The following RFC3 variants were observed in gnomAD, a reference collection of about 807,000 sequenced individuals.
The protein encoded by RFC3 is replication factor C subunit 3, also known as A1 38 kDa subunit.
RFC3 carries 41 observed loss-of-function variants against 45.1 expected under a neutral mutation model. The observed-to-expected ratio is 0.91, with a 90% CI of 0.71 to 1.18. The LOEUF is 1.18. RFC3 is among the 50% of genes most tolerant of loss of function. The pLI, the probability that RFC3 is intolerant of heterozygous loss-of-function variation, is 0.00. For synonymous variants in RFC3, 149 were observed against 144.0 expected, an observed-to-expected ratio of 1.03 and a Z score of -0.25; for missense variants, 423 against 428.1, an observed-to-expected ratio of 0.99 and a Z score of 0.10.
intron 8 of RFC3, among the ~76,000 whole-genome samples, chr13:33,935,320 A>G (rs116408408): frequency 3.6e-4 from 55 of 152,266 alleles, no homozygotes; most frequent in African/African-American, 1.3e-3. Flanking sequence ...CCAAAAATAT[A>G]TCATGTTTGT....
chr13:33,916,440 CAG>C (rs1324707141), intron 8 of RFC3, among the ~76,000 whole-genome samples: 10 of 152,116 alleles, frequency 6.6e-5, no homozygotes, highest in Admixed American at 5.2e-4. Context: ...GTGACAGAAA[CAG>C]ATGTCTCAAA....
intron 8 of RFC3, among the ~76,000 whole-genome samples, chr13:33,948,505 C>A (rs114101576): frequency 0.023 from 3,562 of 152,292 alleles, 123 homozygotes; most frequent in African/African-American, 0.078. Flanking sequence ...GGCACTGCCT[C>A]GTGGAGCTGT....
intron 8 of RFC3, among the ~76,000 whole-genome samples, chr13:33,866,054 A>G (rs1488382290): frequency 6.6e-6 from 1 of 152,146 alleles, no homozygotes; most frequent in Non-Finnish European, 1.5e-5. Flanking sequence ...GTGAGACTCC[A>G]TCTCAAAAAA....
At chr13:33,821,770 A>G (rs1418442039) in intron 2 of RFC3, among the ~76,000 whole-genome samples, 1 of 152,216 alleles carries the variant, frequency 6.6e-6, no homozygotes, top group Non-Finnish European at 1.5e-5. Context: ...ACCGTGTAGC[A>G]CATTCTTATG....
At chr13:33,944,797 G>A (rs2082945126) in intron 8 of RFC3, among the ~76,000 whole-genome samples, 1 of 152,024 alleles carries the variant, frequency 6.6e-6, no homozygotes, top group Admixed American at 6.6e-5. Context: ...TTTTTGCCAA[G>A]AGATGAGAAG....
intron 8 of RFC3, among the ~76,000 whole-genome samples, chr13:33,938,908 G>GT (rs2082906054): frequency 6.6e-6 from 1 of 151,950 alleles, no homozygotes; most frequent in Non-Finnish European, 1.5e-5. Context: ...AATCTTTCAG[G>GT]TTTTTGCCAA....
At chr13:33,820,531 A>G (rs984533290) in intron 1 of RFC3, among the ~76,000 whole-genome samples, 1 of 152,200 alleles carries the variant, frequency 6.6e-6, no homozygotes, top group Non-Finnish European at 1.5e-5. Flanking sequence ...ACCTAGAGCC[A>G]TTCAACTTGA....
At chr13:33,842,976 A>C (rs530246954) in intron 8 of RFC3, among the ~76,000 whole-genome samples, 5 of 152,314 alleles carry the variant, frequency 3.3e-5, no homozygotes, top group Admixed American at 3.3e-4. Flanking sequence ...TGTAGTTTTA[A>C]GTGCTGTTTT....
chr13:33,882,765 T>A (rs939526870), intron 8 of RFC3, among the ~76,000 whole-genome samples: 1 of 152,230 alleles, frequency 6.6e-6, no homozygotes, highest in Non-Finnish European at 1.5e-5. Context: ...AAAACTTCTT[T>A]TATATTCACA....
At position 33,837,039 on chromosome 13, in the gene RFC3, A is replaced by G. The variant is rs972950245; in HGVS notation, c.*744A>G. The G allele has an allele frequency of 4.0e-5, 39 of 984,776 alleles. No homozygotes were observed. The highest frequency in any genetic ancestry group is 3.1e-4 in the Admixed American group (5 of 16,242). The allele number at this position is 984,776 out of a possible 1,614,324, so 61.0% of individuals were successfully genotyped here. A position where few individuals can be genotyped will look rare whatever the true frequency, so the allele number is the denominator to read the frequency against. ...TTAAATATTTTGGTTCATGGACCAA[A>G]GGGTTTACTTGACAAATTTGTGTGA... On this transcript the variant is annotated 3_prime_UTR_variant, in exon 9 of 9. Coordinates refer to ENST00000380071, the MANE Select transcript of RFC3 (RefSeq NM_002915.4).
At chr13:33,885,619 T>C (rs1303392966) in intron 8 of RFC3, among the ~76,000 whole-genome samples, 2 of 152,206 alleles carry the variant, frequency 1.3e-5, no homozygotes, top group African/African-American at 2.4e-5. Context: ...GGTGTCTTGA[T>C]AGAATAAAAC....
intron 8 of RFC3, chr13:33,848,699 A>G (rs1442887400): frequency 6.6e-6 from 1 of 152,112 alleles, no homozygotes; most frequent in Non-Finnish European, 1.5e-5. Context: ...GAACCATAAC[A>G]GGCAGACTAG....
chr13:33,889,866 A>G (rs535094122), intron 8 of RFC3, among the ~76,000 whole-genome samples: 44 of 152,322 alleles, frequency 2.9e-4, no homozygotes, highest in Middle Eastern at 3.4e-3. Flanking sequence ...ACAATATAAT[A>G]TTACTAAGCT....
At chr13:33,953,729 G>A (rs1012507282) in intron 8 of RFC3, among the ~76,000 whole-genome samples, 1 of 152,020 alleles carries the variant, frequency 6.6e-6, no homozygotes, top group Admixed American at 6.5e-5. Flanking sequence ...ATTTCCAGAC[G>A]TTTTTGGTTT....
At chr13:33,972,658 A>C in the RFC3 span, among the ~76,000 whole-genome samples, 1 of 152,188 alleles carries the variant, frequency 6.6e-6, no homozygotes, top group Non-Finnish European at 1.5e-5. Flanking sequence ...GATTCATAAT[A>C]AAATTGGTAG....
chr13:33,884,471 C>T (rs1262860306), intron 8 of RFC3, among the ~76,000 whole-genome samples: 1 of 152,184 alleles, frequency 6.6e-6, no homozygotes, highest in Non-Finnish European at 1.5e-5. Context: ...CCCAGTTATT[C>T]TCATTTCTAC....
At chr13:33,821,954 T>C (rs1176931820) in intron 2 of RFC3, among the ~76,000 whole-genome samples, 1 of 152,254 alleles carries the variant, frequency 6.6e-6, no homozygotes, top group Non-Finnish European at 1.5e-5. Context: ...AGATTGTATT[T>C]GTTTTGACTG....
At chr13:33,828,234 G>A (rs555654997) in intron 4 of RFC3, among the ~76,000 whole-genome samples, 4 of 152,076 alleles carry the variant, frequency 2.6e-5, no homozygotes, top group Non-Finnish European at 5.9e-5. Context: ...CACCTTTATT[G>A]GGATTCTTTC....
intron 8 of RFC3, among the ~76,000 whole-genome samples, chr13:33,861,453 C>T (rs2082340491): frequency 6.6e-6 from 1 of 152,082 alleles, no homozygotes; most frequent in Non-Finnish European, 1.5e-5. Flanking sequence ...CATGCCGAAA[C>T]TCTGTCTCTA....
Sources: gnomAD v4.1 joint callset for allele counts (sites outside exome capture counted in the v4.1 genomes callset) on GRCh38, gnomAD v4.1.1 for gene constraint, MANE v1.5 for transcripts, NCBI Gene and HGNC (gene_info 2026-07-23, HGNC 2026-07-21) for gene names.